Variants in TTC16 observed in about 807,000 individuals in gnomAD.
TTC16 encodes the protein tetratricopeptide repeat protein 16.
TTC16 carries 66 observed loss-of-function variants against 80.4 expected under a neutral mutation model. The observed-to-expected ratio is 0.82, with a 90% CI of 0.67 to 1.01. The LOEUF (loss-of-function observed/expected upper bound fraction) is 1.01, where lower values mean the gene tolerates loss of function less well. TTC16 is among the 50% of genes least tolerant of loss of function. The pLI is 0.00. For synonymous variants in TTC16, 438 were observed against 451.3 expected (o/e 0.97, Z 0.37); for missense variants, 1,070 against 1,103.2 (o/e 0.97, Z 0.43).
intron 7 of TTC16, among the ~76,000 whole-genome samples, chr9:127,723,617 A>T (rs1843668704): frequency 6.6e-6 from 1 of 152,210 alleles, no homozygotes; most frequent in African/African-American, 2.4e-5. Flanking sequence ...GAGGAGACTT[A>T]GGCTTGAGTC....
intron 8 of TTC16, 26 bp downstream of exon 8, chr9:127,724,390 A>AGGGGGGG: frequency 1.1e-6 from 1 of 924,556 alleles, no homozygotes. Flanking sequence ...GGCACTGGGG[A>AGGGGGGG]GGGGGGGTGC....
intron 8 of TTC16, 36 bp downstream of exon 8, chr9:127,724,400 CG>C (rs768392693): frequency 5.2e-6 from 5 of 953,168 alleles, no homozygotes; most frequent in Non-Finnish European, 6.4e-6. Flanking sequence ...AGGGGGGGTG[CG>C]GGGGAGCCTC....
chr9:127,730,085 C>T (rs953825828), intron 13 of TTC16: 8 of 217,636 alleles, frequency 3.7e-5, no homozygotes. Flanking sequence ...CAGGCCCCTT[C>T]TTCATTTTGT....
rs369374085 is a variant in TTC16, at chr9:127,717,674, G to A, written c.328G>A (p.Asp110Asn). The A allele has an allele frequency of 1.2e-6, 2 of 1,613,914 alleles. No homozygotes were observed. The highest frequency in any genetic ancestry group is 2.7e-5 in the African/African-American group (2 of 74,918). The change falls in exon 4 of 14, where the codon GAC becomes AAC. Residue 110 changes from aspartate to asparagine, a missense_variant. Coordinates refer to ENST00000373289, the MANE Select transcript of TTC16 (RefSeq NM_144965.3). ...GGCTGAGGCCTACCTCCAGCTCTGTGACTTCTCCTCGGCCGCCCAGAACCT... is the reference window on the plus strand; with the variant it reads ...GGCTGAGGCCTACCTCCAGCTCTGTAACTTCTCCTCGGCCGCCCAGAACCT... Reference protein sequence around the residue: ...LRAEAYLQLCDFSSAAQNLRR... With the variant: ...LRAEAYLQLCNFSSAAQNLRR...
chr9:127,716,276 A>T, intron 1 of TTC16, 113 bp downstream of exon 1: 1 of 1,494,504 alleles, frequency 6.7e-7, no homozygotes, highest in Non-Finnish European at 9.3e-7. Flanking sequence ...AGTCCGACTC[A>T]GGGAAGGCCC....
At position 127,717,368 on chromosome 9, in the gene TTC16, G is replaced by T; in HGVS notation, c.226G>T (p.Asp76Tyr). ...AGGCCAGCAGTGCTTGGAGCAGGCA[G>T]ACTGGGAGACAGCTGTGCTGCTCTT... ...SRGQQCLEQA[D>Y]WETAVLLFSR... Residue 76 changes from aspartate to tyrosine, a missense_variant, in exon 3 of 14, where the codon GAC becomes TAC. Transcript: ENST00000373289. 1.2e-6 allele frequency: 2 copies of T among 1,612,666 alleles called. No homozygotes were observed. The highest frequency in any genetic ancestry group is 1.1e-5 in the South Asian group (1 of 91,072).
chr9:127,726,301 A>C lies in TTC16; in HGVS notation c.1322A>C (p.Gln441Pro). ...ATCCGGCACAACCCCCAGAAGGCCC[A>C]GTACTACCTGTACCGGGCCAAGAGC... ...TAIRHNPQKA[Q>P]YYLYRAKSRQ... The change falls in exon 10 of 14, where the codon CAG becomes CCG. Residue 441 changes from glutamine (Q) to proline (P), a missense_variant. Physicochemically the swap from Gln to Pro is moderately conservative, Grantham distance 76. Transcript: ENST00000373289. 2 of 1,611,046 alleles carry C rather than the reference A, an allele frequency of 1.2e-6. No individual in the cohort carries two copies. The highest frequency in any genetic ancestry group is 8.5e-7 in the Non-Finnish European group (1 of 1,178,642).
At chr9:127,723,386 T>G (rs778290996) in intron 7 of TTC16, 53 bp downstream of exon 7, 91 of 1,561,088 alleles carry the variant, frequency 5.8e-5, no homozygotes, top group Non-Finnish European at 7.6e-5. Flanking sequence ...CCAGCCAGAC[T>G]TTCTGTGTGG....
In TTC16 at chr9:127,731,292, A is replaced by G; in HGVS notation, c.2509A>G (p.Lys837Glu). Residue 837 changes from lysine (K) to glutamate (E), a missense_variant, in exon 14 of 14, where the codon AAG becomes GAG. Lys to Glu is a moderately conservative substitution (Grantham distance 56, BLOSUM62 1). Transcript: ENST00000373289. ...CAGCAAGGCTGAGGGTGCCCAGGGCAAGAGCCAGGGCATGAGCTCAACTTC... is the reference window on the plus strand; with the variant it reads ...CAGCAAGGCTGAGGGTGCCCAGGGCGAGAGCCAGGGCATGAGCTCAACTTC... The part of the protein sequence containing the change: ...RSSKAEGAQG[K>E]SQGMSSTSSK... 1 of 1,613,216 alleles carries G rather than the reference A, an allele frequency of 6.2e-7. No homozygotes were observed. The highest frequency in any genetic ancestry group is 8.5e-7 in the Non-Finnish European group (1 of 1,180,024).
Position 127,730,436 on chromosome 9 carries a change from G to A in TTC16, c.1853-200G>A, listed in dbSNP as rs927043639. On this transcript the variant is annotated intron_variant, in intron 13 of 13. Transcript: ENST00000373289. Reference sequence around the variant, plus strand: ...GGGACTGGGAGAAGGGGGCTCCTAGGCATCTCCCCCATCTCACAGCCCCAC... The same window carrying A: ...GGGACTGGGAGAAGGGGGCTCCTAGACATCTCCCCCATCTCACAGCCCCAC... 6 of 691,292 alleles carry A rather than the reference G, an allele frequency of 8.7e-6. No individual in the cohort carries two copies. In the Admixed American group the frequency reaches 1.5e-4, roughly 17 times the overall value. The allele number at this position is 691,292 out of a possible 1,614,324, so 42.8% of individuals were successfully genotyped here. A position where few individuals can be genotyped will look rare whatever the true frequency, so the allele number is the denominator to read the frequency against.
At chr9:127,724,647 GT>G in intron 8 of TTC16, 108 bp from the exon 9 acceptor site, 1 of 1,427,014 alleles carries the variant, frequency 7.0e-7, no homozygotes, top group Non-Finnish European at 9.4e-7. Context: ...GCGGCGGGGG[GT>G]TATCAGCCAC....
intron 12 of TTC16, chr9:127,727,732 G>A (rs982506754): frequency 5.5e-6 from 3 of 549,856 alleles, no homozygotes; most frequent in Admixed American, 4.1e-5. Flanking sequence ...GAATTCTACT[G>A]TAGGCACTAG....
At position 127,724,675 on chromosome 9, in the gene TTC16, C is replaced by A. The variant is rs1197406496; in HGVS notation, c.1118-81C>A. 1.0e-5 allele frequency: 16 copies of A among 1,527,846 alleles called. No homozygotes were observed. The South Asian group carries it at 1.6e-4, about 15-fold the overall frequency. 94.6% of individuals were successfully genotyped at this position (1,527,846 alleles called of 1,614,324 possible). A position where few individuals can be genotyped will look rare whatever the true frequency, so the allele number is the denominator to read the frequency against. On this transcript the variant is annotated intron_variant, in intron 8 of 13. Transcript: ENST00000373289. ...ATCAGCCACCAGTTTCAGGCCCTGG[C>A]CCCCGGGCTGGAGCCGGCTGGGCTG...
Position 127,724,877 on chromosome 9 carries a change from C to T in TTC16, c.1239C>T (p.Gly413=). Residue 413 remains glycine (G), a synonymous_variant, in exon 9 of 14, where the codon GGC becomes GGT. Coordinates refer to ENST00000373289, the MANE Select transcript of TTC16 (RefSeq NM_144965.3). ...TGGGCCTGCTGCAGGAGAAGATGGG[C>T]TTCTGCGAGCAGAGGCGCAAGTGCG... ...TRMGLLQEKM[G]FCEQRRKQFQ... 6.4e-7 allele frequency: 1 copy of T among 1,561,686 alleles called. No individual in the cohort carries two copies. The highest frequency in any genetic ancestry group is 2.3e-5 in the East Asian group (1 of 42,952).
Position 127,717,021 on chromosome 9 carries a change from G to C in TTC16, c.191+5G>C. On this transcript the variant is annotated splice_donor_5th_base_variant and intron_variant, in intron 2 of 13. Coordinates refer to ENST00000373289, the MANE Select transcript of TTC16 (RefSeq NM_144965.3). ...GCCCCTCAAAGTCAGGGAATAGTGA[G>C]TGACTACCTTGCTTTGGGGTCCCAG... 1.2e-6 allele frequency: 2 copies of C among 1,610,454 alleles called. No homozygotes were observed. The highest frequency in any genetic ancestry group is 1.7e-6 in the Non-Finnish European group (2 of 1,176,918).
chr9:127,726,787 C>CAAAAAAAA (rs55676226), intron 10 of TTC16, among the ~76,000 whole-genome samples, 183 bp from the exon 11 acceptor site: 3 of 127,732 alleles, frequency 2.3e-5, no homozygotes, highest in Admixed American at 8.7e-5. Flanking sequence ...GACTCTGTCT[C>CAAAAAAAA]AAAAAAAAAA....
intron 9 of TTC16, among the ~76,000 whole-genome samples, chr9:127,725,681 C>A (rs1361969969): frequency 6.6e-6 from 1 of 151,658 alleles, no homozygotes; most frequent in Non-Finnish European, 1.5e-5. Context: ...CTCACTGCAA[C>A]CTCCACCTCC....
intron 10 of TTC16, 138 bp downstream of exon 10, chr9:127,726,542 C>CTT: frequency 9.4e-7 from 1 of 1,058,892 alleles, no homozygotes; most frequent in Non-Finnish European, 1.3e-6. Context: ...AATCCCAGCA[C>CTT]TTTGGGAGCC....
Position 127,720,483 on chromosome 9 carries a change from A to T in TTC16, c.657+88A>T, listed in dbSNP as rs377190732. On this transcript the variant is annotated intron_variant, in intron 6 of 13. Transcript: ENST00000373289. The stretch of plus-strand genomic sequence containing the variant: ...GATTGCAGGAAGAGGCAAGGCTGTC[A>T]GCCAGCCCAGAAGCCCCATCCCACA... 34 of 1,554,854 alleles carry T rather than the reference A, an allele frequency of 2.2e-5. No homozygotes were observed. In the East Asian group the frequency reaches 4.5e-4, roughly 21 times the overall value.
Sources: allele counts gnomAD v4.1 joint callset (sites outside exome capture counted in the v4.1 genomes callset), GRCh38; gene constraint gnomAD v4.1.1; transcripts MANE v1.5; gene names NCBI Gene and HGNC (gene_info 2026-07-23, HGNC 2026-07-21).